RPH3A: variants seen among roughly 807,000 people sequenced by gnomAD.
RPH3A encodes rabphilin-3A.
In RPH3A, 48 loss-of-function variants were observed where a neutral mutation model predicts 102.2. That is an observed-to-expected ratio of 0.47 (90% CI 0.37 to 0.60). RPH3A has a LOEUF of 0.60. RPH3A is among the 20% of genes least tolerant of loss of function. The pLI is 0.00. For synonymous variants in RPH3A, 310 were observed against 324.3 expected, an observed-to-expected ratio of 0.96 and a Z score of 0.47; for missense variants, 781 against 910.1, an observed-to-expected ratio of 0.86 and a Z score of 1.83.
chr12:112,641,816 TTTCC>T (rs2039892670), intron 1 of RPH3A, among the ~76,000 whole-genome samples: 2 of 152,226 alleles, frequency 1.3e-5, no homozygotes, highest in Non-Finnish European at 1.5e-5. Context: ...GTGTAGCTTC[TTTCC>T]TTCCTTCATT....
chr12:112,655,625 C>T (rs2040006054), intron 1 of RPH3A, among the ~76,000 whole-genome samples: 1 of 123,680 alleles, frequency 8.1e-6, no homozygotes. Context: ...GGCTGGAGTG[C>T]AGTGGCACGA....
Position 112,677,212 on chromosome 12 carries a change from G to A in RPH3A, c.-140+101893G>A, listed in dbSNP as rs7305471. Among the ~76,000 whole-genome samples the A allele has an allele frequency of 6.4e-3, 968 of 152,226 alleles. 11 individuals are homozygous for A. Among genetic ancestry groups the A allele is most frequent in the African/African-American group, 0.022 (916 of 41,534 alleles). ...TGGAACAGGCCTTGCTTACAAGTGCGGCAAACAGGACCCAGCTCTCATCAA... is the reference window on the plus strand; with the variant it reads ...TGGAACAGGCCTTGCTTACAAGTGCAGCAAACAGGACCCAGCTCTCATCAA... On this transcript the variant is annotated intron_variant, in intron 1 of 21. Coordinates refer to the RPH3A transcript ENST00000543106.
chr12:112,868,392 G>A (rs1211233581), intron 7 of RPH3A, 38 bp from the exon 8 acceptor site: 2 of 1,600,154 alleles, frequency 1.2e-6, no homozygotes, highest in South Asian at 1.1e-5. Context: ...AACAGCGCTT[G>A]GCTGCCACAT....
rs1349382409 is a variant in RPH3A, at chr12:112,897,633, G to A, written c.*853G>A. 3.3e-5 allele frequency: 5 copies of A among 152,222 alleles called. No individual in the cohort carries two copies. The highest frequency in any genetic ancestry group is 3.3e-4 in the Admixed American group (5 of 15,270). The allele number at this position is 152,222 out of a possible 1,614,324, so 9.4% of individuals were successfully genotyped here. On this transcript the variant is annotated 3_prime_UTR_variant, in exon 22 of 22. Transcript: ENST00000389385. Reference sequence around the variant, plus strand: ...CACCGCAAAAACAACAGCAAAAAAAGTGTATGTTAACCTAGCCTCACCCCC... The same window carrying A: ...CACCGCAAAAACAACAGCAAAAAAAATGTATGTTAACCTAGCCTCACCCCC...
intron 1 of RPH3A, among the ~76,000 whole-genome samples, chr12:112,665,123 C>A (rs1233701693): frequency 6.6e-6 from 1 of 152,136 alleles, no homozygotes; most frequent in Non-Finnish European, 1.5e-5. Flanking sequence ...CTTTTCATCT[C>A]ACTTTCCTAC....
intron 1 of RPH3A, among the ~76,000 whole-genome samples, chr12:112,614,320 T>C (rs2039660691): frequency 6.6e-6 from 1 of 152,034 alleles, no homozygotes; most frequent in Non-Finnish European, 1.5e-5. Flanking sequence ...CCATCATCTG[T>C]GAAATGGGAA....
chr12:112,887,424 A>G (rs545194198), intron 16 of RPH3A, among the ~76,000 whole-genome samples: 18 of 152,362 alleles, frequency 1.2e-4, no homozygotes, highest in Non-Finnish European at 2.1e-4. Flanking sequence ...GTCAAAAACC[A>G]GACAAATGAC....
intron 1 of RPH3A, among the ~76,000 whole-genome samples, chr12:112,584,870 G>A (rs1314147520): frequency 6.6e-6 from 1 of 152,124 alleles, no homozygotes; most frequent in Non-Finnish European, 1.5e-5. Context: ...ATATATAAAG[G>A]GAGTTTATTG....
chr12:112,702,502 T>A (rs1278830678), intron 1 of RPH3A, among the ~76,000 whole-genome samples: 1 of 152,208 alleles, frequency 6.6e-6, no homozygotes. Flanking sequence ...GATGAAGACA[T>A]TGATGCTCAG....
intron 1 of RPH3A, among the ~76,000 whole-genome samples, chr12:112,693,933 G>C (rs937905592): frequency 3.9e-5 from 6 of 152,206 alleles, no homozygotes; most frequent in African/African-American, 1.4e-4. Context: ...TCAGCAGTTA[G>C]GATTTGCCCA....
intron 1 of RPH3A, among the ~76,000 whole-genome samples, chr12:112,743,689 C>G (rs1012268134): frequency 6.6e-6 from 1 of 150,910 alleles, no homozygotes; most frequent in African/African-American, 2.4e-5. Context: ...GTTTTTTTTT[C>G]CCCCCAAGGG....
chr12:112,870,377 C>A (rs1049435449), intron 10 of RPH3A, among the ~76,000 whole-genome samples: 1 of 150,192 alleles, frequency 6.7e-6, no homozygotes, highest in African/African-American at 2.5e-5. Flanking sequence ...AAGGATGCTT[C>A]ACTCTCAAAG....
At chr12:112,735,491 G>A in intron 1 of RPH3A, among the ~76,000 whole-genome samples, 1 of 152,246 alleles carries the variant, frequency 6.6e-6, no homozygotes, top group East Asian at 1.9e-4. Flanking sequence ...AAATGCCCCA[G>A]GGCAGAGGTT....
chr12:112,609,993 C>G (rs2039626294), intron 1 of RPH3A, among the ~76,000 whole-genome samples: 2 of 152,180 alleles, frequency 1.3e-5, no homozygotes, highest in African/African-American at 4.8e-5. Flanking sequence ...AAAACTCAGA[C>G]TCTTCCTACA....
intron 1 of RPH3A, among the ~76,000 whole-genome samples, chr12:112,602,330 C>A (rs759687113): frequency 6.6e-6 from 1 of 152,124 alleles, no homozygotes; most frequent in Non-Finnish European, 1.5e-5. Flanking sequence ...AGAAAGCCTG[C>A]CGCCCAGGCT....
intron 2 of RPH3A, among the ~76,000 whole-genome samples, chr12:112,821,016 T>C (rs972961438): frequency 1.3e-5 from 2 of 152,184 alleles, no homozygotes; most frequent in Non-Finnish European, 2.9e-5. Flanking sequence ...TTAGTCGGCT[T>C]CAGGGAAGGC....
chr12:112,859,190 C>T (rs2042466845), intron 5 of RPH3A, among the ~76,000 whole-genome samples: 1 of 152,142 alleles, frequency 6.6e-6, no homozygotes, highest in Non-Finnish European at 1.5e-5. Flanking sequence ...GAGGAGAAAT[C>T]TCAATGTTTC....
chr12:112,793,048 T>C (rs2041155600), intron 2 of RPH3A, among the ~76,000 whole-genome samples: 1 of 152,192 alleles, frequency 6.6e-6, no homozygotes, highest in African/African-American at 2.4e-5. Flanking sequence ...CTTGTTCAAA[T>C]TCTGGGGAAA....
intron 2 of RPH3A, among the ~76,000 whole-genome samples, chr12:112,826,286 G>C (rs2041871145): frequency 6.6e-6 from 1 of 152,196 alleles, no homozygotes; most frequent in Non-Finnish European, 1.5e-5. Context: ...GAAGGCCTTT[G>C]GGGCTGGGAA....
Sources: gnomAD v4.1 joint callset for allele counts (sites outside exome capture counted in the v4.1 genomes callset) on GRCh38, gnomAD v4.1.1 for gene constraint, MANE v1.5 for transcripts, NCBI Gene and HGNC (gene_info 2026-07-23, HGNC 2026-07-21) for gene names.